MID1: variants seen among roughly 807,000 people sequenced by gnomAD.
The protein encoded by MID1 is midline 1.
A neutral mutation model predicts 40.4 loss-of-function variants in MID1; 7 were observed. The ratio of observed to expected loss-of-function variants is 0.17; its 90% CI spans 0.10 to 0.33. The LOEUF (loss-of-function observed/expected upper bound fraction) is 0.33, where lower values mean the gene tolerates loss of function less well. MID1 is among the 10% of genes least tolerant of loss of function. The pLI is 1.00. For missense variants in MID1, 367 were observed against 558.5 expected, an observed-to-expected ratio of 0.66 and a Z score of 3.46; for synonymous variants, 229 against 221.2, an observed-to-expected ratio of 1.04 and a Z score of -0.31.
upstream of MID1, among the ~76,000 whole-genome samples, chrX:10,622,699 C>T (rs1349803422): frequency 2.7e-5 from 3 of 110,968 alleles, no homozygotes; most frequent in Admixed American, 1.9e-4. Context: ...TCCAGAACTA[C>T]GAGAAATAAT....
intron 3 of MID1, among the ~76,000 whole-genome samples, chrX:10,509,039 C>G (rs1404059870): frequency 1.8e-5 from 2 of 111,374 alleles, no homozygotes; most frequent in Admixed American, 1.9e-4. Flanking sequence ...ACTTGCTTTC[C>G]TGGAGTTTTC....
intron 1 of MID1, among the ~76,000 whole-genome samples, chrX:10,763,904 C>A (rs1470775101): frequency 1.8e-5 from 2 of 112,277 alleles, no homozygotes; most frequent in African/African-American, 6.5e-5. Context: ...ATTTGCGTTT[C>A]TCTGATAGCC....
At chrX:10,781,998 G>C (rs2043849874) in intron 1 of MID1, among the ~76,000 whole-genome samples, 2 of 111,755 alleles carry the variant, frequency 1.8e-5, no homozygotes, top group Non-Finnish European at 3.8e-5. Flanking sequence ...ATGCTTTTTT[G>C]TGTGTGGAAC....
chrX:10,731,966 CAA>C (rs754605735), intron 1 of MID1, among the ~76,000 whole-genome samples: 1,059 of 26,586 alleles, frequency 0.04, 21 homozygotes, highest in African/African-American at 0.096. Flanking sequence ...GAATCTATCA[CAA>C]AAAAAAAAAA....
intron 4 of MID1, among the ~76,000 whole-genome samples, chrX:10,490,426 G>GT (rs772809487): frequency 9.0e-6 from 1 of 111,327 alleles, no homozygotes; most frequent in South Asian, 3.8e-4. Context: ...CTTTATGGTT[G>GT]TTTTTTTAAA....
At chrX:10,675,019 A>G (rs2043013233) in intron 1 of MID1, among the ~76,000 whole-genome samples, 22 of 112,524 alleles carry the variant, frequency 2.0e-4, no homozygotes, top group Admixed American at 1.9e-4. Context: ...TATAACCTAT[A>G]GTTTAAATAA....
At chrX:10,596,155 C>A (rs1935406681) in intron 1 of MID1, among the ~76,000 whole-genome samples, 1 of 111,784 alleles carries the variant, frequency 8.9e-6, no homozygotes, top group Non-Finnish European at 1.9e-5. Context: ...TCCTTCTTCA[C>A]CAGGAGCTAT....
intron 1 of MID1, among the ~76,000 whole-genome samples, chrX:10,748,419 A>C (rs1219624705): frequency 8.9e-6 from 1 of 112,259 alleles, no homozygotes; most frequent in African/African-American, 3.2e-5. Context: ...ATTTATATAC[A>C]ATTCCAACCA....
At chrX:10,653,849 T>C (rs1398341917) in intron 1 of MID1, among the ~76,000 whole-genome samples, 1 of 112,662 alleles carries the variant, frequency 8.9e-6, no homozygotes, top group Non-Finnish European at 1.9e-5. Flanking sequence ...CAAAAGAAAA[T>C]TGCCAAAAGA....
chrX:10,573,416 C>G (rs1299026337), intron 1 of MID1, among the ~76,000 whole-genome samples: 2 of 112,031 alleles, frequency 1.8e-5, no homozygotes, highest in Non-Finnish European at 3.8e-5. Flanking sequence ...CTCATGGGAA[C>G]TAATCCACTC....
intron 9 of MID1, among the ~76,000 whole-genome samples, chrX:10,452,756 A>ATTTC (rs1928421772): frequency 9.0e-6 from 1 of 111,564 alleles, no homozygotes; most frequent in Non-Finnish European, 1.9e-5. Flanking sequence ...TAATTTTAGA[A>ATTTC]TTTCTTTTCC....
chrX:10,805,891 G>A (rs771330710), intron 1 of MID1, among the ~76,000 whole-genome samples: 3,344 of 109,517 alleles, frequency 0.031, 152 homozygotes, highest in African/African-American at 0.11. Flanking sequence ...GTCTGTTCAT[G>A]TCCTTCACCC....
Position 10,619,287 on chromosome X carries a change from C to G in MID1, c.-57+1003G>C, listed in dbSNP as rs769614692. Among the ~76,000 whole-genome samples, 6 of 112,309 alleles carry G rather than the reference C, an allele frequency of 5.3e-5. No individual in the cohort carries two copies. In the South Asian group the frequency reaches 2.2e-3, roughly 41 times the overall value. ...TGTGCAGGGTGGCGAGCACCCAACCCACTTAGAAGAAAAAGTGAAGAGCTT... is the reference window on the plus strand; with the variant it reads ...TGTGCAGGGTGGCGAGCACCCAACCGACTTAGAAGAAAAAGTGAAGAGCTT... On this transcript the variant is annotated intron_variant, in intron 1 of 9. Coordinates refer to ENST00000317552, the MANE Select transcript of MID1 (RefSeq NM_000381.4).
chrX:10,825,208 T>G (rs2044207045), intron 1 of MID1, among the ~76,000 whole-genome samples: 1 of 111,890 alleles, frequency 8.9e-6, no homozygotes, highest in Non-Finnish European at 1.9e-5. Flanking sequence ...AAGATATAAA[T>G]TTTGGTAATG....
chrX:10,786,254 A>G (rs2043882329), intron 1 of MID1, among the ~76,000 whole-genome samples: 1 of 111,615 alleles, frequency 9.0e-6, no homozygotes, highest in Non-Finnish European at 1.9e-5. Flanking sequence ...AATGCAAATC[A>G]AAACCACAAT....
At chrX:10,511,716 C>A (rs1195585518) in intron 3 of MID1, among the ~76,000 whole-genome samples, 1 of 112,181 alleles carries the variant, frequency 8.9e-6, no homozygotes, top group Non-Finnish European at 1.9e-5. Flanking sequence ...TTTTATGCTA[C>A]AGGTTGAGTA....
intron 1 of MID1, among the ~76,000 whole-genome samples, chrX:10,794,938 C>T (rs931919194): frequency 2.7e-5 from 3 of 111,576 alleles, no homozygotes; most frequent in Non-Finnish European, 3.8e-5. Flanking sequence ...CCAATGAAAA[C>T]ATATCCACAC....
Position 10,482,549 on chromosome X carries a change from T to C in MID1, c.944A>G (p.Gln315Arg). The change falls in exon 5 of 10, where the codon CAA becomes CGA. Residue 315 changes from glutamine (Q) to arginine (R), a missense_variant. By Grantham distance (43) the Gln-to-Arg change is conservative. This residue lies in a region of MID1 where 275 missense variants were observed against 383.1 expected (regional missense o/e 0.72). Coordinates refer to ENST00000317552, the MANE Select transcript of MID1 (RefSeq NM_000381.4). Reference sequence around the variant, plus strand: ...ATTCTCCTTCAGAGAGTGTTCCGCTTGGGAGATGAGTGATGCTGACCGCTC... The same window carrying C: ...ATTCTCCTTCAGAGAGTGTTCCGCTCGGGAGATGAGTGATGCTGACCGCTC... Reference protein sequence around the residue: ...CIERSASLISQAEHSLKENDH... With the variant: ...CIERSASLISRAEHSLKENDH... 8.3e-7 allele frequency: 1 copy of C among 1,210,909 alleles called. No homozygotes were observed. The highest frequency in any genetic ancestry group is 1.1e-6 in the Non-Finnish European group (1 of 895,000).
At chrX:10,468,933 C>T (rs1360377100) in intron 7 of MID1, among the ~76,000 whole-genome samples, 1 of 112,104 alleles carries the variant, frequency 8.9e-6, no homozygotes, top group Non-Finnish European at 1.9e-5. Flanking sequence ...CAGGAAAGTA[C>T]ATAAAACTAA....
Sources: allele counts gnomAD v4.1 joint callset (sites outside exome capture counted in the v4.1 genomes callset), GRCh38; gene constraint gnomAD v4.1.1; regional missense constraint gnomAD v4.1.1; transcripts MANE v1.5; gene names NCBI Gene and HGNC (gene_info 2026-07-23, HGNC 2026-07-21).